The following FOXP1 variants were observed in gnomAD, a reference collection of about 807,000 sequenced individuals.
FOXP1 encodes forkhead box protein P1.
In FOXP1, 15 loss-of-function variants were observed where a neutral mutation model predicts 98.2. The observed-to-expected ratio is 0.15, with a 90% confidence interval of 0.10 to 0.24. The LOEUF (loss-of-function observed/expected upper bound fraction) is 0.24, where lower values mean the gene tolerates loss of function less well. Ranked by LOEUF, FOXP1 falls within the 10% of genes least tolerant of loss-of-function variation. FOXP1 has a pLI of 1.00. For synonymous variants in FOXP1, 371 were observed against 314.5 expected (o/e 1.18, Z -1.90); for missense variants, 633 against 848.5 (o/e 0.75, Z 3.15).
At chr3:71,025,451 A>G (rs2107832899) in intron 11 of FOXP1, among the ~76,000 whole-genome samples, 1 of 152,294 alleles carries the variant, frequency 6.6e-6, no homozygotes. Flanking sequence ...AAAAATGTCT[A>G]TGCTTAAAGA....
At chr3:71,506,023 C>T (rs1190560322) in intron 2 of FOXP1, among the ~76,000 whole-genome samples, 2 of 152,220 alleles carry the variant, frequency 1.3e-5, no homozygotes, top group Non-Finnish European at 2.9e-5. Flanking sequence ...ATTTAAATAA[C>T]ATTTCAAGAC....
rs1221388699 is a variant in FOXP1, at chr3:71,439,873, G to A, written c.-168+53553C>T. 2.6e-5 allele frequency among the ~76,000 whole-genome samples: 4 copies of A among 150,970 alleles called. No individual in the cohort carries two copies. The East Asian group carries it at 7.7e-4, about 29-fold the overall frequency. ...AGGCAGGAGAATTGCCTGAACCCAG[G>A]AGATGGGGGTTTCATTGATCGGAGA... is the stretch of plus-strand genomic sequence containing the variant. On this transcript the variant is annotated intron_variant, in intron 3 of 20. Transcript: ENST00000649528.
At chr3:71,444,825 C>T (rs190942068) in intron 3 of FOXP1, among the ~76,000 whole-genome samples, 21 of 152,072 alleles carry the variant, frequency 1.4e-4, no homozygotes, top group East Asian at 7.7e-4. Flanking sequence ...CTGATGTTTG[C>T]GAGGGATGCT....
chr3:71,507,326 G>A (rs561729623), intron 2 of FOXP1, among the ~76,000 whole-genome samples: 2 of 152,144 alleles, frequency 1.3e-5, no homozygotes, highest in Admixed American at 6.6e-5. Flanking sequence ...GAACAGGAAT[G>A]CATGCTTTTA....
intron 6 of FOXP1, among the ~76,000 whole-genome samples, chr3:71,134,410 A>G (rs1358785925): frequency 6.6e-6 from 1 of 152,196 alleles, no homozygotes; most frequent in African/African-American, 2.4e-5. Context: ...TATCATTAAC[A>G]AAAGGAAACC....
At chr3:71,057,291 CTTTTTTTTTTTTTTTTTT>C (rs10670020) in intron 7 of FOXP1, among the ~76,000 whole-genome samples, 309 of 7,492 alleles carry the variant, frequency 0.041, 5 homozygotes, top group African/African-American at 0.063. Context: ...AAAAACGAAA[CTTTTTTTTTTTTTTTTTT>C]TTTTTTTTTT....
At chr3:71,356,837 T>G (rs1395194221) in intron 4 of FOXP1, among the ~76,000 whole-genome samples, 1 of 152,200 alleles carries the variant, frequency 6.6e-6, no homozygotes, top group Non-Finnish European at 1.5e-5. Flanking sequence ...TTATGACTAC[T>G]CGTCACAGGC....
At chr3:71,020,203 T>A (rs981696171) in intron 11 of FOXP1, among the ~76,000 whole-genome samples, 2 of 152,180 alleles carry the variant, frequency 1.3e-5, no homozygotes, top group African/African-American at 4.8e-5. Flanking sequence ...CATTTCAGAT[T>A]AGAAAGAACC....
chr3:71,468,545 A>G (rs1208943912), intron 3 of FOXP1, among the ~76,000 whole-genome samples: 2 of 152,140 alleles, frequency 1.3e-5, no homozygotes, highest in Admixed American at 6.5e-5. Context: ...TGTTATGTAT[A>G]AAGACATTAA....
Position 71,354,166 on chromosome 3 carries a change from ATACT to A in FOXP1, c.-73+4980_-73+4983del. Among the ~76,000 whole-genome samples the A allele has an allele frequency of 1.3e-5, 2 of 151,066 alleles. 1 individual carries two copies. The highest frequency in any genetic ancestry group is 3.9e-4 in the East Asian group (2 of 5,132). On this transcript the variant is annotated intron_variant, in intron 4 of 20. Transcript: ENST00000649528. ...TTAAAAATACAAAAAAAAAAAAAAA[ATACT>A]AGGGAGGCTGAGGCAGGAGAATCGC...
intron 3 of FOXP1, among the ~76,000 whole-genome samples, chr3:71,460,817 T>G (rs1050037659): frequency 1.3e-5 from 2 of 152,222 alleles, no homozygotes; most frequent in African/African-American, 2.4e-5. Flanking sequence ...AATTCATCAT[T>G]CTGAGTGGCA....
At chr3:71,088,876 C>T (rs2055460666) in intron 7 of FOXP1, among the ~76,000 whole-genome samples, 1 of 152,152 alleles carries the variant, frequency 6.6e-6, no homozygotes. Flanking sequence ...TCTCTTTTGT[C>T]AATCTCTCTT....
At chr3:71,250,568 C>A (rs1490537258) in intron 5 of FOXP1, among the ~76,000 whole-genome samples, 1 of 152,160 alleles carries the variant, frequency 6.6e-6, no homozygotes, top group African/African-American at 2.4e-5. Context: ...GTTTCCAGTA[C>A]AAAATTCTTC....
chr3:71,182,502 A>ATGTGTGTGTGTG (rs1234678062), intron 6 of FOXP1, among the ~76,000 whole-genome samples: 30 of 133,702 alleles, frequency 2.2e-4, no homozygotes, highest in African/African-American at 7.9e-4. Flanking sequence ...AACTATATAT[A>ATGTGTGTGTGTG]TGTGTGTGTG....
At chr3:71,287,223 G>C (rs2072245627) in intron 5 of FOXP1, among the ~76,000 whole-genome samples, 1 of 152,136 alleles carries the variant, frequency 6.6e-6, no homozygotes, top group Admixed American at 6.5e-5. Flanking sequence ...GTGAACTTCG[G>C]AACTTTGGGA....
intron 6 of FOXP1, among the ~76,000 whole-genome samples, chr3:71,177,928 A>T: frequency 7.4e-6 from 1 of 135,560 alleles, no homozygotes; most frequent in African/African-American, 2.9e-5. Context: ...TGCAGCCTTG[A>T]CCTCCCAGGC....
intron 2 of FOXP1, among the ~76,000 whole-genome samples, chr3:71,542,437 T>C (rs1339725039): frequency 6.6e-6 from 1 of 152,198 alleles, no homozygotes; most frequent in East Asian, 1.9e-4. Context: ...CGAAATCTCG[T>C]TTTTATAGCT....
chr3:71,312,333 A>C (rs1389893548), intron 4 of FOXP1, among the ~76,000 whole-genome samples: 3 of 152,216 alleles, frequency 2.0e-5, no homozygotes, highest in African/African-American at 7.2e-5. Flanking sequence ...CTATCATATA[A>C]GGCAGCAGGG....
chr3:71,518,125 T>TTTTTTTG (rs927315372), intron 2 of FOXP1, among the ~76,000 whole-genome samples: 2 of 152,180 alleles, frequency 1.3e-5, no homozygotes, highest in African/African-American at 2.4e-5. Context: ...TGACAGTGTT[T>TTTTTTTG]TTTTTTGTTT....
Sources: gnomAD v4.1 joint callset for allele counts (sites outside exome capture counted in the v4.1 genomes callset) on GRCh38, gnomAD v4.1.1 for gene constraint, MANE v1.5 for transcripts, NCBI Gene and HGNC (gene_info 2026-07-23, HGNC 2026-07-21) for gene names.